Variants in CDK14 observed in about 807,000 individuals in gnomAD.
CDK14 encodes cyclin dependent kinase 14.
A neutral mutation model predicts 60.7 loss-of-function variants in CDK14; 34 were observed. That is an observed-to-expected ratio of 0.56 (90% CI 0.43 to 0.75). The LOEUF is 0.75. CDK14 is among the 30% of genes least tolerant of loss of function. CDK14 has a pLI of 0.00. For synonymous variants in CDK14, 197 were observed against 203.7 expected, an observed-to-expected ratio of 0.97 and a Z score of 0.28; for missense variants, 482 against 564.1, an observed-to-expected ratio of 0.85 and a Z score of 1.47.
In CDK14 at chr7:90,603,740, G is replaced by A. The variant is rs533201550; in HGVS notation, c.92-478G>A. Among the ~76,000 whole-genome samples, 272 of 152,270 alleles carry A rather than the reference G, an allele frequency of 1.8e-3. 1 individual carries two copies. The highest frequency in any genetic ancestry group is 6.4e-3 in the African/African-American group (266 of 41,552). ...TAAATTATGTCTCTTACTCTGCAAT[G>A]CTTGTTTTAGCAGGCTTAGTCTTTC... On this transcript the variant is annotated intron_variant, in intron 1 of 14. Coordinates refer to ENST00000380050, the MANE Select transcript of CDK14 (RefSeq NM_001287135.2).
chr7:90,702,227 A>G (rs933682198), intron 2 of CDK14, among the ~76,000 whole-genome samples: 4 of 152,210 alleles, frequency 2.6e-5, no homozygotes, highest in African/African-American at 9.6e-5. Flanking sequence ...ACACTCAGGG[A>G]AAGCATTCCA....
chr7:91,094,704 T>C (rs1482194847), intron 12 of CDK14, among the ~76,000 whole-genome samples: 1 of 152,186 alleles, frequency 6.6e-6, no homozygotes, highest in Non-Finnish European at 1.5e-5. Context: ...TGTAAGGTGC[T>C]CATCTTGGGT....
intron 11 of CDK14, among the ~76,000 whole-genome samples, chr7:91,046,325 A>G (rs2116027828): frequency 6.6e-6 from 1 of 152,330 alleles, no homozygotes; most frequent in Middle Eastern, 3.4e-3. Flanking sequence ...GAAAAGTATT[A>G]AATTGTAAAA....
At chr7:90,868,357 A>G (rs181361989) in intron 6 of CDK14, among the ~76,000 whole-genome samples, 2 of 151,772 alleles carry the variant, frequency 1.3e-5, no homozygotes. Flanking sequence ...TAATGGATAT[A>G]TTTATTAACT....
In CDK14 at chr7:91,045,921, A is replaced by C. The variant is rs1219740375; in HGVS notation, c.1066A>C (p.Thr356Pro). The change falls in exon 11 of 15, where the codon ACA becomes CCA. Residue 356 changes from threonine (T) to proline (P), a missense_variant. By Grantham distance (38) the Thr-to-Pro change is conservative. Coordinates refer to ENST00000380050, the MANE Select transcript of CDK14 (RefSeq NM_001287135.2). ...GGTTCTTGGAACACCAAATGAGGAC[A>C]CATGGCCTGGAGTTCATTCTTTACC... is the stretch of plus-strand genomic sequence containing the variant. ...FLVLGTPNEDTWPGVHSLPHF... is the reference protein window; with the variant it reads ...FLVLGTPNEDPWPGVHSLPHF... 1 of 1,611,520 alleles carries C rather than the reference A, an allele frequency of 6.2e-7. No homozygotes were observed. Among genetic ancestry groups the C allele is most frequent in the African/African-American group, 1.3e-5 (1 of 74,970 alleles).
intron 4 of CDK14, among the ~76,000 whole-genome samples, chr7:90,767,373 C>T (rs1804608112): frequency 6.6e-6 from 1 of 152,016 alleles, no homozygotes; most frequent in African/African-American, 2.4e-5. Flanking sequence ...TCTTATTTTC[C>T]CTCTGTATCC....
chr7:90,958,088 AC>A (rs1222597562), intron 9 of CDK14, among the ~76,000 whole-genome samples: 1 of 151,770 alleles, frequency 6.6e-6, no homozygotes, highest in African/African-American at 2.4e-5. Context: ...TCAGTGCTCT[AC>A]CCCCCGTAAT....
At chr7:90,853,011 A>G (rs1790700481) in intron 5 of CDK14, among the ~76,000 whole-genome samples, 1 of 152,142 alleles carries the variant, frequency 6.6e-6, no homozygotes, top group Non-Finnish European at 1.5e-5. Flanking sequence ...TTCAGCTCCA[A>G]CCAAAATCTG....
chr7:91,069,544 A>T (rs547689483), intron 11 of CDK14, among the ~76,000 whole-genome samples: 1 of 152,264 alleles, frequency 6.6e-6, no homozygotes, highest in East Asian at 1.9e-4. Context: ...AAAAAAATTT[A>T]AATTTAAATT....
chr7:90,736,344 G>GCTTTTTTTTTTTT (rs1563063351), intron 3 of CDK14, among the ~76,000 whole-genome samples: 5 of 41,034 alleles, frequency 1.2e-4, no homozygotes, highest in Non-Finnish European at 1.8e-4. Flanking sequence ...ACTTTATTAT[G>GCTTTTTTTTTTTT]TTTTTGTTTT....
intron 5 of CDK14, among the ~76,000 whole-genome samples, chr7:90,805,678 T>C (rs1411359949): frequency 2.6e-5 from 4 of 152,098 alleles, no homozygotes; most frequent in African/African-American, 9.7e-5. Context: ...GGATTGAAGA[T>C]CTCGTATTGT....
intron 11 of CDK14, among the ~76,000 whole-genome samples, chr7:91,058,454 G>T (rs1481697141): frequency 4.6e-5 from 7 of 152,172 alleles, no homozygotes; most frequent in Non-Finnish European, 1.0e-4. Context: ...TTGAATAGGA[G>T]TGGTGAGAGA....
At chr7:91,012,950 G>A (rs1463926718) in intron 10 of CDK14, among the ~76,000 whole-genome samples, 2 of 152,188 alleles carry the variant, frequency 1.3e-5, no homozygotes, top group African/African-American at 4.8e-5. Context: ...TTCTGAGCAG[G>A]CTTCCTGGGA....
chr7:90,968,668 C>T (rs960753312), intron 9 of CDK14, among the ~76,000 whole-genome samples: 10 of 152,120 alleles, frequency 6.6e-5, no homozygotes, highest in African/African-American at 2.4e-4. Context: ...TTAATATATT[C>T]ATAGCCTAAT....
chr7:91,101,966 G>C (rs1420113723), intron 12 of CDK14, among the ~76,000 whole-genome samples: 2 of 152,188 alleles, frequency 1.3e-5, no homozygotes, highest in Non-Finnish European at 2.9e-5. Context: ...ATTTTGCTTT[G>C]GATGTGTAGA....
chr7:91,105,455 T>C (rs1169742178), intron 12 of CDK14, among the ~76,000 whole-genome samples: 1 of 152,224 alleles, frequency 6.6e-6, no homozygotes, highest in African/African-American at 2.4e-5. Flanking sequence ...AAGTCTGATA[T>C]GAGAATTTCT....
At chr7:91,042,559 A>G (rs1244489262) in intron 10 of CDK14, among the ~76,000 whole-genome samples, 1 of 152,142 alleles carries the variant, frequency 6.6e-6, no homozygotes, top group Non-Finnish European at 1.5e-5. Flanking sequence ...AGCTGAACCA[A>G]TAAAAGAAAC....
At chr7:90,902,052 A>G (rs796404519) in intron 7 of CDK14, among the ~76,000 whole-genome samples, 3 of 152,250 alleles carry the variant, frequency 2.0e-5, no homozygotes, top group East Asian at 1.9e-4. Context: ...ACCAAGGAAG[A>G]TGAAAGATCT....
intron 14 of CDK14, among the ~76,000 whole-genome samples, chr7:91,179,227 T>C (rs1801901731): frequency 6.6e-6 from 1 of 151,510 alleles, no homozygotes; most frequent in Non-Finnish European, 1.5e-5. Flanking sequence ...AACTGGAAAT[T>C]ATCATTCTCA....
Sources: allele counts gnomAD v4.1 joint callset (sites outside exome capture counted in the v4.1 genomes callset), GRCh38; gene constraint gnomAD v4.1.1; transcripts MANE v1.5; gene names NCBI Gene and HGNC (gene_info 2026-07-23, HGNC 2026-07-21).